ALDH2: variants seen among roughly 807,000 people sequenced by gnomAD.
ALDH2 encodes the protein aldehyde dehydrogenase, mitochondrial.
ALDH2 carries 44 observed loss-of-function variants against 59.6 expected under a neutral mutation model. The observed-to-expected ratio is 0.74, with a 90% CI of 0.58 to 0.95. The LOEUF (loss-of-function observed/expected upper bound fraction) is 0.95. Ranked by LOEUF, ALDH2 falls within the 40% of genes least tolerant of loss-of-function variation. ALDH2 has a pLI of 0.00. For missense variants in ALDH2, 570 were observed against 696.3 expected (o/e 0.82, Z 2.04); for synonymous variants, 291 against 284.0 (o/e 1.02, Z -0.25).
chr12:111,786,963 G>T (rs975377308), intron 4 of ALDH2, among the ~76,000 whole-genome samples: 19 of 152,136 alleles, frequency 1.2e-4, no homozygotes, highest in African/African-American at 4.3e-4. Context: ...CTAGCACTTT[G>T]GGAGGCTGAG....
chr12:111,779,928 G>A (rs892866584), intron 1 of ALDH2, among the ~76,000 whole-genome samples: 2 of 152,128 alleles, frequency 1.3e-5, no homozygotes, highest in East Asian at 3.9e-4. Flanking sequence ...TTTCACTCTC[G>A]TTGCCCAGGC....
intron 1 of ALDH2, among the ~76,000 whole-genome samples, chr12:111,771,925 C>G (rs2068202561): frequency 6.6e-6 from 1 of 152,066 alleles, no homozygotes; most frequent in South Asian, 2.1e-4. Flanking sequence ...ATGGTGAAAC[C>G]CTGACTCTGC....
chr12:111,769,129 G>C (rs2068180360), intron 1 of ALDH2, among the ~76,000 whole-genome samples: 1 of 152,204 alleles, frequency 6.6e-6, no homozygotes, highest in Non-Finnish European at 1.5e-5. Context: ...CTGTTCTCCA[G>C]ATTTACTCTG....
chr12:111,809,992 A>C lies in ALDH2; in HGVS notation c.*417A>C. Reference sequence around the variant, plus strand: ...CTAGCTGCTCTTAACTTACTGGGTAACTCTTTGTCCATCTCAATAACCAAA... The same window carrying C: ...CTAGCTGCTCTTAACTTACTGGGTACCTCTTTGTCCATCTCAATAACCAAA... On this transcript the variant is annotated 3_prime_UTR_variant, in exon 13 of 13. Transcript: ENST00000261733. 1 of 232,504 alleles carries C rather than the reference A, an allele frequency of 4.3e-6. No homozygotes were observed. The allele number at this position is 232,504 out of a possible 1,614,324, so 14.4% of individuals were successfully genotyped here.
intron 1 of ALDH2, chr12:111,775,745 T>C (rs1393102543): frequency 2.2e-6 from 1 of 452,016 alleles, no homozygotes; most frequent in East Asian, 7.0e-5. Flanking sequence ...GGGTTTCTGG[T>C]CAGGAGGTTA....
intron 1 of ALDH2, among the ~76,000 whole-genome samples, chr12:111,770,092 C>T (rs1382973668): frequency 3.4e-5 from 5 of 148,728 alleles, no homozygotes; most frequent in Admixed American, 6.7e-5. Flanking sequence ...TGCAGTGAGC[C>T]GAGATCACAC....
chr12:111,782,816 G>A (rs943068533), intron 2 of ALDH2, among the ~76,000 whole-genome samples: 3 of 152,016 alleles, frequency 2.0e-5, no homozygotes, highest in South Asian at 4.1e-4. Context: ...CCCGGGAGGC[G>A]GAGGTTGCAA....
At chr12:111,806,991 G>A (rs2068500483) in intron 12 of ALDH2, among the ~76,000 whole-genome samples, 2 of 151,884 alleles carry the variant, frequency 1.3e-5, no homozygotes, top group Non-Finnish European at 2.9e-5. Flanking sequence ...AACAGACCGG[G>A]CATGGTGGCT....
At chr12:111,802,231 G>A (rs1316193633) in intron 11 of ALDH2, among the ~76,000 whole-genome samples, 1 of 152,070 alleles carries the variant, frequency 6.6e-6, no homozygotes, top group Non-Finnish European at 1.5e-5. Flanking sequence ...GACCAACATG[G>A]TGAAACCCTG....
intron 9 of ALDH2, among the ~76,000 whole-genome samples, chr12:111,795,781 C>T (rs545801429): frequency 1.3e-5 from 2 of 151,574 alleles, no homozygotes; most frequent in Non-Finnish European, 2.9e-5. Flanking sequence ...TTAGTAGAGA[C>T]AGGGTTTCAC....
At chr12:111,775,699 C>G in intron 1 of ALDH2, 1 of 455,806 alleles carries the variant, frequency 2.2e-6, no homozygotes, top group South Asian at 1.6e-5. Flanking sequence ...ACGCCCCGCC[C>G]AAGAGCGTTT....
At chr12:111,794,722 G>T (rs776829231) in intron 9 of ALDH2, among the ~76,000 whole-genome samples, 15 of 151,776 alleles carry the variant, frequency 9.9e-5, no homozygotes, top group Admixed American at 5.9e-4. Context: ...ACCCAGGCTG[G>T]TCTTGAATTG....
Position 111,789,846 on chromosome 12 carries a change from A to C in ALDH2, c.464A>C (p.Lys155Thr), listed in dbSNP as rs1009289495. 3.7e-6 allele frequency: 6 copies of C among 1,614,076 alleles called. No individual in the cohort carries two copies. The African/African-American group carries it at 8.0e-5, about 22-fold the overall frequency. The change falls in exon 5 of 13, where the codon AAG (lysine) becomes ACG (threonine). Residue 155 changes from lysine to threonine, a missense_variant. Lys to Thr is a moderately conservative substitution (Grantham distance 78). Transcript: ENST00000261733. The part of the protein sequence containing the change: ...CLRYYAGWAD[K>T]YHGKTIPIDG... The stretch of plus-strand genomic sequence containing the variant: ...AGGTATTATGCCGGCTGGGCTGATA[A>C]GTACCACGGGAAAACCATCCCCATT...
chr12:111,798,007 A>C (rs560165119), intron 9 of ALDH2, 71 bp from the exon 10 acceptor site: 1 of 1,582,712 alleles, frequency 6.3e-7, no homozygotes, highest in Non-Finnish European at 8.7e-7. Context: ...TTGCCTGCAT[A>C]ATTCTAAGCC....
chr12:111,778,734 T>G (rs1003346528), intron 1 of ALDH2, among the ~76,000 whole-genome samples: 2 of 150,336 alleles, frequency 1.3e-5, no homozygotes, highest in Non-Finnish European at 3.0e-5. Flanking sequence ...CTTGGGAGGC[T>G]GAGGCAGGAG....
chr12:111,800,135 G>A, intron 11 of ALDH2, 72 bp downstream of exon 11: 2 of 1,484,388 alleles, frequency 1.3e-6, no homozygotes, highest in Non-Finnish European at 1.8e-6. Context: ...GGAATCTGGT[G>A]GTCACCATCC....
chr12:111,812,096 G>A lies in ALDH2; in HGVS notation c.*2521G>A, dbSNP rs1366076315. 1 of 152,578 alleles carries A rather than the reference G, an allele frequency of 6.6e-6. No homozygotes were observed. The highest frequency in any genetic ancestry group is 1.5e-5 in the Non-Finnish European group (1 of 68,340). 9.5% of individuals were successfully genotyped at this position (152,578 alleles called of 1,614,324 possible). ...AGGCAGAGATAGACAGGGAGAGAGA[G>A]AGACAGCTTACGCCATTATTTCTGC... On this transcript the variant is annotated 3_prime_UTR_variant, in exon 13 of 13. Transcript: ENST00000261733.
chr12:111,795,677 C>T (rs144300145), intron 9 of ALDH2, among the ~76,000 whole-genome samples: 2,334 of 151,316 alleles, frequency 0.015, 70 homozygotes, highest in African/African-American at 0.053. Context: ...CTGCAACCTC[C>T]GTCTCCCAGG....
chr12:111,801,726 G>A (rs1182560683), intron 11 of ALDH2, among the ~76,000 whole-genome samples: 2 of 151,568 alleles, frequency 1.3e-5, no homozygotes, highest in African/African-American at 4.8e-5. Context: ...GGCACAAAAG[G>A]CCACATGCTG....
Sources: allele counts gnomAD v4.1 joint callset (sites outside exome capture counted in the v4.1 genomes callset), GRCh38; gene constraint gnomAD v4.1.1; transcripts MANE v1.5; gene names NCBI Gene and HGNC (gene_info 2026-07-23, HGNC 2026-07-21).